The following PNPLA8 variants were observed in gnomAD, a reference collection of about 807,000 sequenced individuals.
The protein encoded by PNPLA8 is patatin like domain 8, phospholipase A2, also known as calcium-independent phospholipase A2-gamma.
PNPLA8 carries 39 observed loss-of-function variants against 76.9 expected under a neutral mutation model. The observed-to-expected ratio is 0.51, with a 90% CI of 0.39 to 0.66. The LOEUF is 0.66. Among genes scored for constraint, PNPLA8 ranks in the 30% least tolerant of loss-of-function variants. The pLI is 0.00. For missense variants in PNPLA8, 887 were observed against 918.0 expected (o/e 0.97, Z 0.44); for synonymous variants, 301 against 307.9 (o/e 0.98, Z 0.24).
At chr7:108,517,356 C>A (rs545971005) in intron 2 of PNPLA8, among the ~76,000 whole-genome samples, 1 of 152,290 alleles carries the variant, frequency 6.6e-6, no homozygotes, top group Non-Finnish European at 1.5e-5. Context: ...TAGCTTCTTA[C>A]AAAATTAAAC....
intron 5 of PNPLA8, among the ~76,000 whole-genome samples, chr7:108,501,116 T>G (rs565136068): frequency 2.0e-5 from 3 of 152,134 alleles, no homozygotes; most frequent in Admixed American, 2.0e-4. Flanking sequence ...GGTTGGCAAG[T>G]TGGTTATACC....
upstream of PNPLA8, among the ~76,000 whole-genome samples, chr7:108,526,545 C>G (rs144707062): frequency 0.02 from 3,091 of 152,330 alleles, 43 homozygotes; most frequent in Middle Eastern, 0.031. Context: ...TCCCTCTCCG[C>G]GTCCCTGAAG....
chr7:108,493,700 T>C (rs573980652), intron 7 of PNPLA8, among the ~76,000 whole-genome samples: 2 of 151,268 alleles, frequency 1.3e-5, no homozygotes, highest in South Asian at 2.1e-4. Context: ...TGATAATGGA[T>C]GGGAAGCTTT....
Position 108,502,749 on chromosome 7 carries a change from C to CA in PNPLA8, c.1207-108dup, listed in dbSNP as rs1242898794. The CA allele has an allele frequency of 5.8e-5, 40 of 684,148 alleles. 2 individuals carry two copies. Among genetic ancestry groups the CA allele is most frequent in the Non-Finnish European group, 7.0e-5 (29 of 414,500 alleles). The allele number at this position is 684,148 out of a possible 1,614,324, so 42.4% of individuals were successfully genotyped here. The stretch of plus-strand genomic sequence containing the variant: ...GTTCACCACATGACAACCAAGGTGA[C>CA]AGTGTTCATTACTTTCTCAGTAATC... On this transcript the variant is annotated intron_variant, in intron 4 of 10. Coordinates refer to ENST00000257694, the MANE Select transcript of PNPLA8 (RefSeq NM_001256007.3).
At position 108,470,510 on chromosome 7, in the gene PNPLA8, A is replaced by C. The variant is rs1438823923; in HGVS notation, c.*1891T>G. 1 of 152,324 alleles carries C rather than the reference A, an allele frequency of 6.6e-6. No homozygotes were observed. The highest frequency in any genetic ancestry group is 1.5e-5 in the Non-Finnish European group (1 of 68,026). The allele number at this position is 152,324 out of a possible 1,614,324, so 9.4% of individuals were successfully genotyped here. On this transcript the variant is annotated 3_prime_UTR_variant, in exon 11 of 11. Transcript: ENST00000257694. Reference sequence around the variant, plus strand: ...ACTTCAGCTGTAAAACAGATGAACTACATCAGTTTAGGACTAGAGTGACCT... The same window carrying C: ...ACTTCAGCTGTAAAACAGATGAACTCCATCAGTTTAGGACTAGAGTGACCT...
intron 10 of PNPLA8, among the ~76,000 whole-genome samples, chr7:108,478,288 G>T (rs2154514783): frequency 6.6e-6 from 1 of 152,230 alleles, no homozygotes; most frequent in Non-Finnish European, 1.5e-5. Context: ...AGAGTTCTTA[G>T]CAAGTTTGGT....
chr7:108,495,247 G>A (rs1861468947), intron 7 of PNPLA8, among the ~76,000 whole-genome samples: 2 of 152,114 alleles, frequency 1.3e-5, no homozygotes, highest in Admixed American at 6.5e-5. Flanking sequence ...AGAGATTTAA[G>A]TAAAGATGTT....
chr7:108,510,729 T>C (rs1458082698), intron 4 of PNPLA8: 26 of 1,600,948 alleles, frequency 1.6e-5, no homozygotes, highest in Non-Finnish European at 2.0e-5. Flanking sequence ...AAGAAGCGAA[T>C]TGCTTTGACA....
chr7:108,515,641 A>C, intron 2 of PNPLA8, 67 bp from the exon 3 acceptor site: 1 of 928,592 alleles, frequency 1.1e-6, no homozygotes, highest in Non-Finnish European at 1.4e-6. Flanking sequence ...CAGAAAACAC[A>C]AGACTATTTG....
intron 1 of PNPLA8, among the ~76,000 whole-genome samples, chr7:108,522,293 C>CAA (rs1363551092): frequency 4.0e-5 from 4 of 99,360 alleles, no homozygotes; most frequent in East Asian, 2.9e-4. Flanking sequence ...GACTCCCTCT[C>CAA]AAAAAAAAAA....
upstream of PNPLA8, among the ~76,000 whole-genome samples, chr7:108,526,887 TAAAAA>T (rs34383036): frequency 6.6e-6 from 1 of 151,664 alleles, no homozygotes. Flanking sequence ...TTTCAAAGGT[TAAAAA>T]AAAAGTTTTG....
chr7:108,477,685 C>A (rs540822323), intron 10 of PNPLA8, among the ~76,000 whole-genome samples: 2 of 151,992 alleles, frequency 1.3e-5, no homozygotes, highest in East Asian at 3.9e-4. Flanking sequence ...CACAGGGAGA[C>A]CCCATCTCTA....
At chr7:108,499,065 T>G (rs1242224574) in intron 5 of PNPLA8, among the ~76,000 whole-genome samples, 1 of 152,178 alleles carries the variant, frequency 6.6e-6, no homozygotes, top group African/African-American at 2.4e-5. Flanking sequence ...ATGAAAGAGG[T>G]ACATTATTAA....
chr7:108,477,629 G>T (rs538309348), intron 10 of PNPLA8, among the ~76,000 whole-genome samples: 37 of 152,284 alleles, frequency 2.4e-4, no homozygotes, highest in South Asian at 1.0e-3. Flanking sequence ...GGAGGCCAAG[G>T]CAGGAGGATC....
At chr7:108,486,971 T>C (rs538245015) in intron 9 of PNPLA8, among the ~76,000 whole-genome samples, 1 of 152,218 alleles carries the variant, frequency 6.6e-6, no homozygotes, top group East Asian at 1.9e-4. Flanking sequence ...TAAAAAATTA[T>C]ATATAAAAAT....
chr7:108,477,167 C>T (rs1440786742), intron 10 of PNPLA8, among the ~76,000 whole-genome samples: 5 of 152,174 alleles, frequency 3.3e-5, no homozygotes, highest in African/African-American at 1.2e-4. Flanking sequence ...ATAGTAACTA[C>T]GTCAGGTGAC....
Position 108,472,351 on chromosome 7 carries a change from G to C in PNPLA8, c.*50C>G. The C allele has an allele frequency of 2.4e-6, 3 of 1,276,548 alleles. No individual in the cohort carries two copies. Among genetic ancestry groups the C allele is most frequent in the Non-Finnish European group, 3.3e-6 (3 of 922,018 alleles). 79.1% of individuals were successfully genotyped at this position (1,276,548 alleles called of 1,614,324 possible). A position where few individuals can be genotyped will look rare whatever the true frequency, so the allele number is the denominator to read the frequency against. On this transcript the variant is annotated 3_prime_UTR_variant, in exon 11 of 11. Coordinates refer to ENST00000257694, the MANE Select transcript of PNPLA8 (RefSeq NM_001256007.3). ...ACCCCACAATTCCTTATTGAATGTG[G>C]TTGATCTTCTAAACAGACCTTCATT...
rs113047056 is a variant in PNPLA8, at chr7:108,473,304, A to G, written c.2075-629T>C. ...TGGTGTTCCATTGTATAGATACAACACAATTTGTTCTCTGCAGTTCTGGTC... is the reference window on the plus strand; with the variant it reads ...TGGTGTTCCATTGTATAGATACAACGCAATTTGTTCTCTGCAGTTCTGGTC... On this transcript the variant is annotated intron_variant, in intron 10 of 10. Transcript: ENST00000257694. Among the ~76,000 whole-genome samples the G allele has an allele frequency of 5.3e-3, 810 of 152,302 alleles. 4 individuals are homozygous for G. The highest frequency in any genetic ancestry group is 8.4e-3 in the Non-Finnish European group (574 of 68,010).
Position 108,514,468 on chromosome 7 carries a change from C to G in PNPLA8, c.1024G>C (p.Glu342Gln). ...QAVSKDRNAE[E>Q]KKRLSLQREK... ...CGCTGAAGAGATAAACGCTTTTTCT[C>G]CTCTGCATTTCTGTCTTTGCTGACA... is the stretch of plus-strand genomic sequence containing the variant. The change falls in exon 3 of 11, where the codon GAG becomes CAG. Residue 342 changes from glutamate to glutamine, a missense_variant. Physicochemically the swap from Glu to Gln is conservative, Grantham distance 29. Transcript: ENST00000257694. 6.2e-7 allele frequency: 1 copy of G among 1,611,984 alleles called. No homozygotes were observed. The highest frequency in any genetic ancestry group is 8.5e-7 in the Non-Finnish European group (1 of 1,179,316).
Sources: allele counts gnomAD v4.1 joint callset (sites outside exome capture counted in the v4.1 genomes callset), GRCh38; gene constraint gnomAD v4.1.1; transcripts MANE v1.5; gene names NCBI Gene and HGNC (gene_info 2026-07-23, HGNC 2026-07-21).